GIT2: variants seen among roughly 807,000 people sequenced by gnomAD.
GIT2 encodes GIT ArfGAP 2, also known as ARF GTPase-activating protein GIT2.
A neutral mutation model predicts 100.3 loss-of-function variants in GIT2; 32 were observed. The observed-to-expected ratio is 0.32, with a 90% CI of 0.24 to 0.43. The LOEUF is 0.43. Ranked by LOEUF, GIT2 falls within the 20% of genes least tolerant of loss-of-function variation. The probability of loss-of-function intolerance (pLI) is 1.00; values close to 1 mark genes in which losing one functional copy is unlikely to be tolerated. For missense variants in GIT2, 737 were observed against 975.1 expected (o/e 0.76, Z 3.25); for synonymous variants, 353 against 364.1 (o/e 0.97, Z 0.35).
chr12:109,935,125 C>G (rs1048606482), intron 18 of GIT2, among the ~76,000 whole-genome samples: 3 of 151,768 alleles, frequency 2.0e-5, no homozygotes, highest in Non-Finnish European at 4.4e-5. Flanking sequence ...CATTACATTT[C>G]AAGAAAATGG....
intron 16 of GIT2, among the ~76,000 whole-genome samples, chr12:109,942,586 G>A (rs903532668): frequency 6.6e-6 from 1 of 152,104 alleles, no homozygotes; most frequent in Non-Finnish European, 1.5e-5. Flanking sequence ...TACCTGCCTC[G>A]GCTTCCCAAA....
chr12:109,992,104 G>T, intron 1 of GIT2: 1 of 162,262 alleles, frequency 6.2e-6, no homozygotes, highest in Admixed American at 6.6e-5. Context: ...ACAGACGAAT[G>T]ATTTTGGATC....
intron 18 of GIT2, among the ~76,000 whole-genome samples, chr12:109,935,584 T>C (rs1668372918): frequency 6.6e-6 from 1 of 152,216 alleles, no homozygotes; most frequent in Admixed American, 6.5e-5. Flanking sequence ...GTATTTTTAG[T>C]AGAGATGGGG....
At chr12:109,975,178 G>A (rs903655663) in intron 7 of GIT2, among the ~76,000 whole-genome samples, 1 of 151,854 alleles carries the variant, frequency 6.6e-6, no homozygotes, top group Non-Finnish European at 1.5e-5. Context: ...TGGGTTTCTT[G>A]TAGACAGTAT....
At position 109,948,231 on chromosome 12, in the gene GIT2, T is replaced by C. The variant is rs2136242172; in HGVS notation, c.1393-727A>G. 1.0e-6 allele frequency: 1 copy of C among 985,900 alleles called. No homozygotes were observed. Among genetic ancestry groups the C allele is most frequent in the Admixed American group, 6.1e-5 (1 of 16,350 alleles). 61.1% of individuals were successfully genotyped at this position (985,900 alleles called of 1,614,324 possible). The stretch of plus-strand genomic sequence containing the variant: ...GATCTATGGAATTGACATCTTCGCA[T>C]GGATGCTCCACGCAGCACGCTTGCT... On this transcript the variant is annotated intron_variant, in intron 14 of 19. Transcript: ENST00000355312. The surrounding 1 kb of genome is among the most constrained non-coding windows in gnomAD (Gnocchi z 4.3).
chr12:109,951,147 G>C lies in GIT2; in HGVS notation c.1392+20C>G. On this transcript the variant is annotated intron_variant, in intron 14 of 19. Coordinates refer to ENST00000355312, the MANE Select transcript of GIT2 (RefSeq NM_057169.5). ...ATGGGATTAAAGCGTCAACCGTCCT[G>C]GCATTTATTAACATGTTACCTTTTT... is the stretch of plus-strand genomic sequence containing the variant. 1 of 1,605,856 alleles carries C rather than the reference G, an allele frequency of 6.2e-7. No individual in the cohort carries two copies. The highest frequency in any genetic ancestry group is 8.5e-7 in the Non-Finnish European group (1 of 1,172,516).
intron 12 of GIT2, chr12:109,954,353 C>T (rs971674077): frequency 4.0e-5 from 6 of 151,460 alleles, no homozygotes; most frequent in Non-Finnish European, 7.4e-5. Context: ...TGCATCTCAG[C>T]GAGAGAAAGA....
chr12:109,985,429 A>AGGG (rs1566013788), intron 4 of GIT2, among the ~76,000 whole-genome samples: 59 of 145,228 alleles, frequency 4.1e-4, no homozygotes, highest in East Asian at 3.1e-3. Context: ...AGGGGGGGGA[A>AGGG]AAAAGGCCAG....
chr12:109,958,152 G>C (rs1418958215), intron 12 of GIT2, among the ~76,000 whole-genome samples: 1 of 151,808 alleles, frequency 6.6e-6, no homozygotes, highest in Non-Finnish European at 1.5e-5. Flanking sequence ...CACCATGTTA[G>C]CCAAGATGGT....
chr12:109,969,346 T>C (rs1883287335), intron 7 of GIT2, among the ~76,000 whole-genome samples: 1 of 151,834 alleles, frequency 6.6e-6, no homozygotes, highest in Non-Finnish European at 1.5e-5. Context: ...TTTTTGTATT[T>C]AGTAGAGATG....
In GIT2 at chr12:109,938,506, G is replaced by A. The variant is rs375151526; in HGVS notation, c.1877C>T (p.Thr626Ile). Residue 626 changes from threonine to isoleucine, a missense_variant, in exon 18 of 20, where the codon ACA (threonine) becomes ATA (isoleucine). By Grantham distance (89) the Thr-to-Ile change is moderately conservative (BLOSUM62 -1). Around this residue, in one of 3 missense-constraint regions of GIT2, gnomAD observed 451 missense variants for 543.7 expected, o/e 0.83. Transcript: ENST00000355312. ...VWPGDGLVPD[T>I]AEPHVAPSPT... ...GCTTGGGGCCACATGGGGTTCTGCT[G>A]TGTCTGGTACCAAGCCATCCCCTGG... 2 of 1,613,824 alleles carry A rather than the reference G, an allele frequency of 1.2e-6. No individual in the cohort carries two copies. Among genetic ancestry groups the A allele is most frequent in the African/African-American group, 1.3e-5 (1 of 75,028 alleles).
chr12:109,993,182 A>G (rs1226300785), intron 1 of GIT2, among the ~76,000 whole-genome samples: 2 of 152,186 alleles, frequency 1.3e-5, no homozygotes, highest in Non-Finnish European at 2.9e-5. Context: ...ATACTTGGCA[A>G]GCAGGATGGA....
At chr12:109,999,141 T>A (rs1889800758), upstream of GIT2, 1 of 152,268 alleles carries the variant, frequency 6.6e-6, no homozygotes, top group Non-Finnish European at 1.5e-5. This position sits in a 1 kb window ranked among gnomAD's most constrained non-coding sequence, Gnocchi z 4.3. Context: ...TGTCACCCCC[T>A]GACTTCAGAG....
rs1871958889 is a variant in GIT2, at chr12:109,933,152, T to C, written c.2106A>G (p.Leu702=). ...GCAGTCGGTAGGCACTGGACGTCAG[T>C]AAACGAAGGGAAGTCCTCACCATAT... The part of the protein sequence containing the change: ...KSDMVRTSLR[L]LTSSAYRLQS... Residue 702 remains leucine (L), a synonymous_variant, in exon 20 of 20, where the codon TTA becomes TTG. Coordinates refer to ENST00000355312, the MANE Select transcript of GIT2 (RefSeq NM_057169.5). The surrounding 1 kb of genome is among the most constrained non-coding windows in gnomAD (Gnocchi z 4.5). 6.3e-7 allele frequency: 1 copy of C among 1,586,534 alleles called. No homozygotes were observed. Among genetic ancestry groups the C allele is most frequent in the Non-Finnish European group, 8.6e-7 (1 of 1,165,414 alleles).
chr12:109,985,799 G>A (rs1887262788), intron 4 of GIT2, among the ~76,000 whole-genome samples: 1 of 152,018 alleles, frequency 6.6e-6, no homozygotes, highest in Non-Finnish European at 1.5e-5. Flanking sequence ...GTTGCAGTGA[G>A]CCGAGATCGT....
chr12:109,934,256 T>A lies in GIT2; in HGVS notation c.2004-171A>T. 1.7e-6 allele frequency: 1 copy of A among 595,662 alleles called. No homozygotes were observed. The highest frequency in any genetic ancestry group is 3.0e-6 in the Non-Finnish European group (1 of 330,524). The allele number at this position is 595,662 out of a possible 1,614,324, so 36.9% of individuals were successfully genotyped here. A position where few individuals can be genotyped will look rare whatever the true frequency, so the allele number is the denominator to read the frequency against. Reference sequence around the variant, plus strand: ...GGCACATGGTTATAAAGCAGGACTCTCATTGCTTCCTAAAAGTTCAATCTG... The same window carrying A: ...GGCACATGGTTATAAAGCAGGACTCACATTGCTTCCTAAAAGTTCAATCTG... On this transcript the variant is annotated intron_variant, in intron 18 of 19. Transcript: ENST00000355312. This position sits in a 1 kb window ranked among gnomAD's most constrained non-coding sequence, Gnocchi z 4.5.
chr12:109,936,868 C>CAA (rs112015119), intron 18 of GIT2, among the ~76,000 whole-genome samples: 5 of 91,716 alleles, frequency 5.5e-5, no homozygotes, highest in Non-Finnish European at 7.9e-5. Context: ...GACTCTGTCT[C>CAA]AAAAAAAAAA....
intron 8 of GIT2, among the ~76,000 whole-genome samples, chr12:109,966,563 G>T (rs1882499417): frequency 6.7e-6 from 1 of 149,426 alleles, no homozygotes; most frequent in South Asian, 2.1e-4. Flanking sequence ...AGATATAGTT[G>T]CTCATAGGGA....
intron 7 of GIT2, among the ~76,000 whole-genome samples, chr12:109,980,403 ATTTAT>A (rs1886086671): frequency 6.6e-6 from 1 of 151,672 alleles, no homozygotes; most frequent in South Asian, 2.1e-4. Context: ...ATTTTTATTT[ATTTAT>A]TTTGAGACAG....
Sources: allele counts gnomAD v4.1 joint callset (sites outside exome capture counted in the v4.1 genomes callset), GRCh38; gene constraint gnomAD v4.1.1; regional missense constraint gnomAD v4.1.1; non-coding constraint Gnocchi (gnomAD v3.1); transcripts MANE v1.5; gene names NCBI Gene and HGNC (gene_info 2026-07-23, HGNC 2026-07-21).